Variants in BCAS3 observed in about 807,000 individuals in gnomAD.
BCAS3 encodes the protein BCAS4/BCAS3 fusion.
In BCAS3, 53 loss-of-function variants were observed where a neutral mutation model predicts 116.1. The observed-to-expected ratio is 0.46, with a 90% CI of 0.37 to 0.57. BCAS3 has a LOEUF of 0.57. Among genes scored for constraint, BCAS3 ranks in the 20% least tolerant of loss-of-function variants. The probability of loss-of-function intolerance (pLI) is 0.00; values close to 1 mark genes in which losing one functional copy is unlikely to be tolerated. For missense variants in BCAS3, 917 were observed against 1,165.4 expected, an observed-to-expected ratio of 0.79 and a Z score of 3.10; for synonymous variants, 391 against 408.2, an observed-to-expected ratio of 0.96 and a Z score of 0.51.
At chr17:60,875,861 T>C (rs2055557414) in intron 9 of BCAS3, among the ~76,000 whole-genome samples, 1 of 152,036 alleles carries the variant, frequency 6.6e-6, no homozygotes, top group South Asian at 2.1e-4. Flanking sequence ...ATTAGAGTAG[T>C]AGTATGATGA....
intron 13 of BCAS3, among the ~76,000 whole-genome samples, chr17:60,942,621 G>A (rs1480122070): frequency 6.6e-6 from 1 of 151,782 alleles, no homozygotes; most frequent in Non-Finnish European, 1.5e-5. Context: ...TTTCTAAAAT[G>A]TATTCTCTTG....
At chr17:60,697,582 CAA>C (rs758307797) in intron 4 of BCAS3, among the ~76,000 whole-genome samples, 6,036 of 58,876 alleles carry the variant, frequency 0.1, 311 homozygotes, top group African/African-American at 0.27. Flanking sequence ...GACTCTGTCT[CAA>C]AAAAAAAAAA....
chr17:60,853,421 C>T (rs1438465455), intron 7 of BCAS3, among the ~76,000 whole-genome samples: 1 of 152,150 alleles, frequency 6.6e-6, no homozygotes, highest in African/African-American at 2.4e-5. Flanking sequence ...TGTTTGAATT[C>T]AAATGCTAGT....
At chr17:60,689,334 C>A (rs1053818030) in intron 3 of BCAS3, among the ~76,000 whole-genome samples, 4 of 152,138 alleles carry the variant, frequency 2.6e-5, no homozygotes, top group Admixed American at 6.6e-5. Context: ...CCACACCTCA[C>A]CCAGCTAATT....
intron 22 of BCAS3, among the ~76,000 whole-genome samples, chr17:61,306,427 C>T (rs368710288): frequency 1.3e-5 from 2 of 152,192 alleles, no homozygotes; most frequent in South Asian, 4.2e-4. Context: ...AAACAATTCC[C>T]CTTAAGAAGT....
intron 22 of BCAS3, among the ~76,000 whole-genome samples, chr17:61,350,843 A>G (rs2057794984): frequency 6.6e-6 from 1 of 152,104 alleles, no homozygotes; most frequent in Non-Finnish European, 1.5e-5. Context: ...TGTGTTGCTA[A>G]GGCTGGTCTT....
chr17:60,721,799 T>C (rs1390589523), intron 5 of BCAS3, among the ~76,000 whole-genome samples: 1 of 152,154 alleles, frequency 6.6e-6, no homozygotes, highest in East Asian at 1.9e-4. Flanking sequence ...TGGATTAAGA[T>C]CTAGAATATT....
chr17:61,216,121 T>G (rs757488574), intron 22 of BCAS3, among the ~76,000 whole-genome samples: 1 of 152,238 alleles, frequency 6.6e-6, no homozygotes, highest in Non-Finnish European at 1.5e-5. Flanking sequence ...TTTGGAGAGA[T>G]AGCACTGTTT....
Position 61,219,252 on chromosome 17 carries a change from G to T in BCAS3, c.2425+134688G>T, listed in dbSNP as rs2144373042. On this transcript the variant is annotated intron_variant, in intron 22 of 23. Transcript: ENST00000407086. This position sits in a 1 kb window ranked among gnomAD's most constrained non-coding sequence, Gnocchi z 5.2. The stretch of plus-strand genomic sequence containing the variant: ...CATACAATCTCTGAGAAAGATCCTT[G>T]TCCAGAAATCCTGTGTCTCAGTGGT... Among the ~76,000 whole-genome samples the T allele has an allele frequency of 6.6e-6, 1 of 152,226 alleles. No homozygotes were observed. The highest frequency in any genetic ancestry group is 2.1e-4 in the South Asian group (1 of 4,808).
intron 23 of BCAS3, chr17:61,384,550 C>T (rs2059755901): frequency 1.3e-5 from 2 of 152,368 alleles, no homozygotes; most frequent in Admixed American, 1.3e-4. Flanking sequence ...TCGGCCTCCT[C>T]GCACAGTCCT....
At position 61,097,353 on chromosome 17, in the gene BCAS3, T is replaced by C. The variant is rs1347012168; in HGVS notation, c.2425+12789T>C. ...GCCACCACGCCTGGCTAATTTTTTGTATTTTTAATAGAGACGGGATTTCAC... is the reference window on the plus strand; with the variant it reads ...GCCACCACGCCTGGCTAATTTTTTGCATTTTTAATAGAGACGGGATTTCAC... On this transcript the variant is annotated intron_variant, in intron 22 of 23. Transcript: ENST00000407086. The surrounding 1 kb of genome is among the most constrained non-coding windows in gnomAD (Gnocchi z 4.0). Among the ~76,000 whole-genome samples the C allele has an allele frequency of 6.6e-6, 1 of 152,158 alleles. No individual in the cohort carries two copies. The highest frequency in any genetic ancestry group is 1.5e-5 in the Non-Finnish European group (1 of 68,020).
chr17:60,687,710 T>C (rs770523840), intron 3 of BCAS3, among the ~76,000 whole-genome samples: 1 of 152,028 alleles, frequency 6.6e-6, no homozygotes, highest in Non-Finnish European at 1.5e-5. Flanking sequence ...GAATAAAATA[T>C]CTAAGCATGG....
At chr17:60,718,675 C>G (rs1456205568) in intron 5 of BCAS3, among the ~76,000 whole-genome samples, 2 of 152,170 alleles carry the variant, frequency 1.3e-5, no homozygotes, top group African/African-American at 4.8e-5. Context: ...TACCATTTCC[C>G]TGATGACTAA....
In BCAS3 at chr17:61,189,379, A is replaced by G. The variant is rs1230139292; in HGVS notation, c.2425+104815A>G. Among the ~76,000 whole-genome samples, 2 of 152,238 alleles carry G rather than the reference A, an allele frequency of 1.3e-5. No homozygotes were observed. The highest frequency in any genetic ancestry group is 2.9e-5 in the Non-Finnish European group (2 of 68,038). Reference sequence around the variant, plus strand: ...CCATCATATAAAGTCCTAGCAGGCAAGTCATAAGATATTAATCCAGAGCAG... The same window carrying G: ...CCATCATATAAAGTCCTAGCAGGCAGGTCATAAGATATTAATCCAGAGCAG... On this transcript the variant is annotated intron_variant, in intron 22 of 23. Transcript: ENST00000407086. The surrounding 1 kb of genome is among the most constrained non-coding windows in gnomAD (Gnocchi z 4.5).
rs1432074486 is a variant in BCAS3 at position 61,068,817 on chromosome 17, G to A, written c.2030-6103G>A. ...ATCATTCCTAATATTTGAGTGGTTA[G>A]AAGCATGGAAACTTTGCTCTTATCA... On this transcript the variant is annotated intron_variant, in intron 19 of 23. Coordinates refer to ENST00000407086, the MANE Select transcript of BCAS3 (RefSeq NM_017679.5). This position sits in a 1 kb window ranked among gnomAD's most constrained non-coding sequence, Gnocchi z 4.3. Among the ~76,000 whole-genome samples the A allele has an allele frequency of 6.6e-6, 1 of 152,138 alleles. No individual in the cohort carries two copies. The highest frequency in any genetic ancestry group is 1.9e-4 in the East Asian group (1 of 5,190).
At chr17:60,743,845 A>G (rs903256094) in intron 5 of BCAS3, among the ~76,000 whole-genome samples, 2 of 152,140 alleles carry the variant, frequency 1.3e-5, no homozygotes, top group African/African-American at 4.8e-5. Flanking sequence ...CCTTAGATCG[A>G]GTTGTGAGAT....
At chr17:60,775,088 G>T (rs931506874) in intron 6 of BCAS3, among the ~76,000 whole-genome samples, 3 of 152,096 alleles carry the variant, frequency 2.0e-5, no homozygotes, top group Non-Finnish European at 2.9e-5. Flanking sequence ...ATTTCAAATT[G>T]AATTTCATTT....
At chr17:61,176,164 A>AAAAAAAAAAAAAAAAAGG (rs1568511306) in intron 22 of BCAS3, among the ~76,000 whole-genome samples, 1 of 149,630 alleles carries the variant, frequency 6.7e-6, no homozygotes, top group African/African-American at 2.4e-5. Context: ...AAAAAAAAGA[A>AAAAAAAAAAAAAAAAAGG]AAAGAAAAAG....
chr17:61,036,246 C>A (rs2067020304), intron 17 of BCAS3: 1 of 152,164 alleles, frequency 6.6e-6, no homozygotes, highest in Non-Finnish European at 1.5e-5. Flanking sequence ...CTGGTGAGTT[C>A]CACAGGCTGT....
Sources: gnomAD v4.1 joint callset for allele counts (sites outside exome capture counted in the v4.1 genomes callset) on GRCh38, gnomAD v4.1.1 for gene constraint, Gnocchi (gnomAD v3.1) non-coding constraint, MANE v1.5 for transcripts, NCBI Gene and HGNC (gene_info 2026-07-23, HGNC 2026-07-21) for gene names.